The following NCKAP5 variants were observed in gnomAD, a reference collection of about 807,000 sequenced individuals.
The protein encoded by NCKAP5 is nck-associated protein 5.
NCKAP5 carries 92 observed loss-of-function variants against 167.0 expected under a neutral mutation model. The observed-to-expected ratio is 0.55, with a 90% CI of 0.47 to 0.66. The LOEUF is 0.66. Among genes scored for constraint, NCKAP5 ranks in the 30% least tolerant of loss-of-function variants. The pLI, the probability that NCKAP5 is intolerant of heterozygous loss-of-function variation, is 0.00. For missense variants in NCKAP5, 2,378 were observed against 2,315.0 expected, an observed-to-expected ratio of 1.03 and a Z score of -0.56; for synonymous variants, 891 against 877.4, an observed-to-expected ratio of 1.02 and a Z score of -0.27.
rs1006559038 is a variant in NCKAP5 at position 132,815,543 on chromosome 2, T to G, written c.808-18814A>C. On this transcript the variant is annotated intron_variant, in intron 11 of 19. Coordinates refer to ENST00000409261, the MANE Select transcript of NCKAP5 (RefSeq NM_207363.3). ...TAAAAACATTTATTACATATAAATC[T>G]ATAGTGTTTTATTTAGCTATTTGGT... Among the ~76,000 whole-genome samples, 9 of 152,370 alleles carry G rather than the reference T, an allele frequency of 5.9e-5. 1 individual carries two copies. The highest frequency in any genetic ancestry group is 6.5e-5 in the Admixed American group (1 of 15,306).
intron 11 of NCKAP5, among the ~76,000 whole-genome samples, chr2:132,853,257 T>C (rs1689211983): frequency 6.6e-6 from 1 of 152,194 alleles, no homozygotes; most frequent in Non-Finnish European, 1.5e-5. Context: ...TTTGAGAGAC[T>C]ACATGCAAAA....
chr2:133,037,686 C>T (rs1360888290), intron 6 of NCKAP5, among the ~76,000 whole-genome samples: 1 of 152,048 alleles, frequency 6.6e-6, no homozygotes, highest in African/African-American at 2.4e-5. Context: ...TATGAAACTA[C>T]TACAAGAAAA....
intron 8 of NCKAP5, among the ~76,000 whole-genome samples, chr2:132,913,699 A>G (rs1187443670): frequency 6.6e-6 from 1 of 152,144 alleles, no homozygotes; most frequent in Admixed American, 6.5e-5. Context: ...CCTCTTGCAA[A>G]TTATGCAAGA....
the NCKAP5 span, among the ~76,000 whole-genome samples, chr2:133,614,358 G>A: frequency 1.3e-5 from 2 of 152,046 alleles, no homozygotes; most frequent in African/African-American, 2.4e-5. Context: ...TCCGAGCTAC[G>A]GGATGAAATT....
intron 11 of NCKAP5, among the ~76,000 whole-genome samples, chr2:132,808,447 T>C (rs535873368): frequency 3.2e-4 from 48 of 152,160 alleles, no homozygotes; most frequent in Non-Finnish European, 6.0e-4. Flanking sequence ...TGCTTGTTAA[T>C]GGTCTGTTCA....
Position 133,520,122 on chromosome 2 carries a change from C to T in NCKAP5, c.-61-2535G>A, listed in dbSNP as rs575823995. On this transcript the variant is annotated intron_variant, in intron 2 of 19. Transcript: ENST00000409261. ...AGGAGAATTGCTTGAACCTAGGAGG[C>T]GGAGGTTGCGGTGAGCCAAGATCGC... Among the ~76,000 whole-genome samples the T allele has an allele frequency of 1.4e-3, 216 of 152,234 alleles. 1 individual carries two copies. The highest frequency in any genetic ancestry group is 3.4e-3 in the Middle Eastern group (1 of 294).
At chr2:133,355,592 T>C (rs1684654381) in intron 3 of NCKAP5, among the ~76,000 whole-genome samples, 1 of 152,176 alleles carries the variant, frequency 6.6e-6, no homozygotes, top group African/African-American at 2.4e-5. Context: ...GATTACTTAT[T>C]GCCAACCTTT....
chr2:133,214,357 C>T (rs1225530717), intron 4 of NCKAP5, among the ~76,000 whole-genome samples: 1 of 152,150 alleles, frequency 6.6e-6, no homozygotes, highest in Non-Finnish European at 1.5e-5. Context: ...AAGGCTAATA[C>T]ACTGAGTCCT....
At chr2:132,724,265 C>T (rs1419656656) in intron 19 of NCKAP5, among the ~76,000 whole-genome samples, 3 of 152,194 alleles carry the variant, frequency 2.0e-5, no homozygotes, top group African/African-American at 4.8e-5. Flanking sequence ...TTCTGTAGCA[C>T]TCATCTCCCA....
chr2:133,301,042 G>C (rs1233010972), intron 4 of NCKAP5, among the ~76,000 whole-genome samples: 1 of 79,382 alleles, frequency 1.3e-5, no homozygotes, highest in Admixed American at 1.5e-4. Flanking sequence ...GCTTCAAAGA[G>C]AATAAAATAC....
the NCKAP5 span, among the ~76,000 whole-genome samples, chr2:133,590,822 C>T: frequency 6.6e-6 from 1 of 152,132 alleles, no homozygotes; most frequent in Non-Finnish European, 1.5e-5. Context: ...ATTTAATAAG[C>T]AGTTTTCTTG....
chr2:133,566,442 C>G (rs1353763757), intron 1 of NCKAP5, among the ~76,000 whole-genome samples: 1 of 152,208 alleles, frequency 6.6e-6, no homozygotes, highest in Non-Finnish European at 1.5e-5. Context: ...AAAATAATCA[C>G]AGAGTTCTCT....
chr2:133,643,023 G>A, the NCKAP5 span, among the ~76,000 whole-genome samples: 4 of 151,748 alleles, frequency 2.6e-5, no homozygotes, highest in Non-Finnish European at 5.9e-5. Flanking sequence ...TTTCTTTATG[G>A]AATGAGAAAT....
At chr2:133,343,171 T>G (rs1463294926) in intron 3 of NCKAP5, among the ~76,000 whole-genome samples, 1 of 152,230 alleles carries the variant, frequency 6.6e-6, no homozygotes, top group Admixed American at 6.5e-5. Flanking sequence ...TGCTAGGCAG[T>G]GCTCATAAGG....
the NCKAP5 span, among the ~76,000 whole-genome samples, chr2:133,603,278 G>A: frequency 6.9e-6 from 1 of 145,744 alleles, no homozygotes; most frequent in African/African-American, 2.6e-5. Flanking sequence ...CCAGGCTGAA[G>A]TGCGATGGCG....
intron 2 of NCKAP5, among the ~76,000 whole-genome samples, chr2:133,544,454 T>C (rs534513765): frequency 1.3e-5 from 2 of 152,340 alleles, no homozygotes; most frequent in East Asian, 3.9e-4. Context: ...ATTATACATA[T>C]TTCTTGACAA....
chr2:133,302,800 AAAATAAAT>A (rs995844335), intron 4 of NCKAP5, among the ~76,000 whole-genome samples: 5 of 151,290 alleles, frequency 3.3e-5, no homozygotes, highest in South Asian at 4.2e-4. Context: ...AAAAATAAAA[AAAATAAAT>A]AAATAAATAA....
chr2:133,464,747 A>G (rs1311233509), intron 3 of NCKAP5, among the ~76,000 whole-genome samples: 1 of 152,206 alleles, frequency 6.6e-6, no homozygotes, highest in East Asian at 1.9e-4. Flanking sequence ...GAGTAGCCTG[A>G]GATGTGGGAA....
intron 19 of NCKAP5, among the ~76,000 whole-genome samples, chr2:132,689,376 A>G (rs1034989098): frequency 1.8e-4 from 28 of 152,192 alleles, no homozygotes; most frequent in Non-Finnish European, 4.0e-4. Flanking sequence ...CTGAGAGATG[A>G]GGGAGAAGGA....
Sources: allele counts gnomAD v4.1 joint callset (sites outside exome capture counted in the v4.1 genomes callset), GRCh38; gene constraint gnomAD v4.1.1; transcripts MANE v1.5; gene names NCBI Gene and HGNC (gene_info 2026-07-23, HGNC 2026-07-21).